Variants in TECR observed in about 807,000 individuals in gnomAD.
TECR encodes the protein trans-2,3-enoyl-CoA reductase, also known as very-long-chain enoyl-CoA reductase.
TECR carries 19 observed loss-of-function variants against 50.6 expected under a neutral mutation model. The ratio of observed to expected loss-of-function variants is 0.38; its 90% CI spans 0.26 to 0.55. The LOEUF is 0.55. Ranked by LOEUF, TECR falls within the 20% of genes least tolerant of loss-of-function variation. The probability of loss-of-function intolerance (pLI) is 0.79; values close to 1 mark genes in which losing one functional copy is unlikely to be tolerated. For synonymous variants in TECR, 168 were observed against 163.5 expected (o/e 1.03, Z -0.21); for missense variants, 313 against 408.3 (o/e 0.77, Z 2.01).
At chr19:14,549,211 CTTT>C (rs561284094) in intron 1 of TECR, among the ~76,000 whole-genome samples, 11 of 111,158 alleles carry the variant, frequency 9.9e-5, no homozygotes, top group African/African-American at 3.2e-4. Context: ...TTTAATTGGA[CTTT>C]TTTTTTTTTT....
rs1005982338 is a variant in TECR, at chr19:14,563,554, G to A, written c.119-104G>A. On this transcript the variant is annotated intron_variant, in intron 3 of 12. Transcript: ENST00000215567. This position sits in a 1 kb window ranked among gnomAD's most constrained non-coding sequence, Gnocchi z 5.3. The stretch of plus-strand genomic sequence containing the variant: ...GTGGGAGGAGCTGTGGAGTCCTGGG[G>A]TCCTTGCACCCTGGGAACCCTGAGA... The A allele has an allele frequency of 9.4e-6, 14 of 1,486,910 alleles. No individual in the cohort carries two copies. The African/African-American group carries it at 1.8e-4, about 19-fold the overall frequency. The allele number at this position is 1,486,910 out of a possible 1,614,324, so 92.1% of individuals were successfully genotyped here.
chr19:14,563,076 C>G lies in TECR; in HGVS notation c.67-130C>G. Reference sequence around the variant, plus strand: ...TCCTTCCCTGACTGCAGGCAGAGGCCTGGACCCCAGCCCTTCCCCCTTCCC... The same window carrying G: ...TCCTTCCCTGACTGCAGGCAGAGGCGTGGACCCCAGCCCTTCCCCCTTCCC... On this transcript the variant is annotated intron_variant, in intron 2 of 12. Coordinates refer to ENST00000215567, the MANE Select transcript of TECR (RefSeq NM_138501.6). The surrounding 1 kb of genome is among the most constrained non-coding windows in gnomAD (Gnocchi z 5.3). 2 of 1,196,058 alleles carry G rather than the reference C, an allele frequency of 1.7e-6. No homozygotes were observed. The highest frequency in any genetic ancestry group is 2.4e-6 in the Non-Finnish European group (2 of 833,428). The allele number at this position is 1,196,058 out of a possible 1,614,324, so 74.1% of individuals were successfully genotyped here.
chr19:14,540,998 G>C (rs143274335), intron 1 of TECR, among the ~76,000 whole-genome samples: 1 of 152,022 alleles, frequency 6.6e-6, no homozygotes, highest in African/African-American at 2.4e-5. Flanking sequence ...GCTAATTTTG[G>C]TATTTTTAGT....
At chr19:14,561,018 A>G (rs1156752587) in intron 1 of TECR, among the ~76,000 whole-genome samples, 2 of 152,096 alleles carry the variant, frequency 1.3e-5, no homozygotes, top group East Asian at 3.9e-4. Context: ...CCCAGGGACT[A>G]CAAGGCAGGG....
chr19:14,565,380 C>A, intron 11 of TECR, 90 bp downstream of exon 11: 1 of 1,516,650 alleles, frequency 6.6e-7, no homozygotes, highest in Non-Finnish European at 9.1e-7. Flanking sequence ...GGCTGGGCAG[C>A]TGCTTTTGCC....
At chr19:14,529,380 T>G, upstream of TECR, 25 of 520,888 alleles carry the variant, frequency 4.8e-5, no homozygotes, top group East Asian at 1.0e-4. Flanking sequence ...CTCCTTTGGA[T>G]TGGTGGATGG....
At chr19:14,547,347 T>G (rs1056293190) in intron 1 of TECR, among the ~76,000 whole-genome samples, 6 of 101,008 alleles carry the variant, frequency 5.9e-5, no homozygotes, top group Non-Finnish European at 1.4e-4. Context: ...CCTGGCCTAT[T>G]TTATTTTATT....
In TECR at chr19:14,563,336, ACCCCTCTCC is replaced by A. The variant is rs199993628; in HGVS notation, c.118+81_118+89del. 8.2e-6 allele frequency: 11 copies of A among 1,348,560 alleles called. No homozygotes were observed. In the African/African-American group the frequency reaches 1.3e-4, roughly 16 times the overall value. 83.5% of individuals were successfully genotyped at this position (1,348,560 alleles called of 1,614,324 possible). A position where few individuals can be genotyped will look rare whatever the true frequency, so the allele number is the denominator to read the frequency against. On this transcript the variant is annotated intron_variant, in intron 3 of 12. Transcript: ENST00000215567. This position sits in a 1 kb window ranked among gnomAD's most constrained non-coding sequence, Gnocchi z 5.3. ...TAGGGTGGGAGGGATCCCATCCTGCACCCCTCTCCCAGGGGCCTGCAGAGATGCCCCAGT... is the reference window on the plus strand; with the variant it reads ...TAGGGTGGGAGGGATCCCATCCTGCACAGGGGCCTGCAGAGATGCCCCAGT...
chr19:14,541,096 G>T (rs933985998), intron 1 of TECR, among the ~76,000 whole-genome samples: 1 of 152,134 alleles, frequency 6.6e-6, no homozygotes, highest in Non-Finnish European at 1.5e-5. Flanking sequence ...GAAGTGCTGG[G>T]ATTACAGGTG....
chr19:14,528,778 T>TAA (rs568467752), upstream of TECR, among the ~76,000 whole-genome samples: 4 of 151,270 alleles, frequency 2.6e-5, no homozygotes, highest in Admixed American at 2.0e-4. Context: ...CCGTCTCTAC[T>TAA]AAAAAAAATA....
At chr19:14,528,040 C>T (rs2072469024), upstream of TECR, among the ~76,000 whole-genome samples, 2 of 151,002 alleles carry the variant, frequency 1.3e-5, no homozygotes, top group Non-Finnish European at 2.9e-5. Flanking sequence ...CCCACCATTA[C>T]ACCTGGCTAA....
chr19:14,551,564 G>A (rs1016899944), intron 1 of TECR, among the ~76,000 whole-genome samples: 1 of 152,128 alleles, frequency 6.6e-6, no homozygotes, highest in Non-Finnish European at 1.5e-5. Context: ...CATTGAGGAC[G>A]CGCCCCTGCT....
rs151111730 is a variant in TECR, at chr19:14,533,098, C to T, written c.15+3387C>T. On this transcript the variant is annotated intron_variant, in intron 1 of 12. Coordinates refer to ENST00000215567, the MANE Select transcript of TECR (RefSeq NM_138501.6). ...CTGTACTCCAGCCTGGGTGACAGAG[C>T]GAGACTCTGTTTTAAAAAAAATAAA... 4.2e-3 allele frequency among the ~76,000 whole-genome samples: 594 copies of T among 140,576 alleles called. 5 individuals are homozygous for T. Among genetic ancestry groups the T allele is most frequent in the African/African-American group, 0.014 (507 of 37,520 alleles). 92.2% of individuals were successfully genotyped at this position (140,576 alleles called of 152,430 possible).
At chr19:14,554,047 G>A (rs75033261) in intron 1 of TECR, among the ~76,000 whole-genome samples, 3,781 of 152,294 alleles carry the variant, frequency 0.025, 78 homozygotes, top group East Asian at 0.1. Context: ...TGGGCTGTGC[G>A]GCACCACATC....
At chr19:14,565,439 G>C (rs1006667685) in intron 11 of TECR, 149 bp downstream of exon 11, 17 of 1,340,718 alleles carry the variant, frequency 1.3e-5, no homozygotes, top group Non-Finnish European at 1.7e-5. Context: ...TCTCTGCTGT[G>C]GTGGCGGGGA....
At chr19:14,535,543 AATATATATATATATATAT>A (rs747348455) in intron 1 of TECR, among the ~76,000 whole-genome samples, 494 of 32,672 alleles carry the variant, frequency 0.015, 2 homozygotes, top group Middle Eastern at 0.042. Context: ...AAAAAAAAAA[AATATATATATATATATAT>A]ATATATATAT....
Position 14,542,347 on chromosome 19 carries a change from G to GTTT in TECR, c.15+12663_15+12665dup, listed in dbSNP as rs71166754. 5.8e-4 allele frequency among the ~76,000 whole-genome samples: 25 copies of GTTT among 43,294 alleles called. 2 individuals are homozygous for GTTT. The highest frequency in any genetic ancestry group is 1.9e-3 in the South Asian group (2 of 1,080). 28.4% of individuals were successfully genotyped at this position (43,294 alleles called of 152,430 possible). A position where few individuals can be genotyped will look rare whatever the true frequency, so the allele number is the denominator to read the frequency against. On this transcript the variant is annotated intron_variant, in intron 1 of 12. Coordinates refer to ENST00000215567, the MANE Select transcript of TECR (RefSeq NM_138501.6). ...CCTCAGGGGGCCCTCATGCCATAGT[G>GTTT]TTTTTTTTTTTTTTTTTTTTTTTTT...
At chr19:14,544,925 G>A (rs185115672) in intron 1 of TECR, among the ~76,000 whole-genome samples, 2 of 152,192 alleles carry the variant, frequency 1.3e-5, no homozygotes, top group Admixed American at 1.3e-4. Context: ...GAGCCACCAT[G>A]CCCAGCACGT....
At position 14,563,969 on chromosome 19, in the gene TECR, C is replaced by T; in HGVS notation, c.268-13C>T. ...CACGTTGGGTGACTCATCTTGCCCC[C>T]CTCTACTCTCAGGTCTTCCTAACAG... On this transcript the variant is annotated splice_polypyrimidine_tract_variant and intron_variant, in intron 5 of 12. Transcript: ENST00000215567. The surrounding 1 kb of genome is among the most constrained non-coding windows in gnomAD (Gnocchi z 5.3). 3.1e-6 allele frequency: 5 copies of T among 1,614,012 alleles called. No individual in the cohort carries two copies. Among genetic ancestry groups the T allele is most frequent in the Non-Finnish European group, 3.4e-6 (4 of 1,179,884 alleles).
Sources: gnomAD v4.1 joint callset for allele counts (sites outside exome capture counted in the v4.1 genomes callset) on GRCh38, gnomAD v4.1.1 for gene constraint, Gnocchi (gnomAD v3.1) non-coding constraint, MANE v1.5 for transcripts, NCBI Gene and HGNC (gene_info 2026-07-23, HGNC 2026-07-21) for gene names.